The following EPM2A variants were observed in gnomAD, a reference collection of about 807,000 sequenced individuals.
The protein encoded by EPM2A is laforin.
EPM2A carries 21 observed loss-of-function variants against 26.5 expected under a neutral mutation model. The ratio of observed to expected loss-of-function variants is 0.79; its 90% CI spans 0.56 to 1.14. EPM2A has a LOEUF of 1.14. Among genes scored for constraint, EPM2A ranks in the 50% most tolerant of loss-of-function variants. EPM2A has a pLI of 0.00. For missense variants in EPM2A, 458 were observed against 440.8 expected, an observed-to-expected ratio of 1.04 and a Z score of -0.35; for synonymous variants, 217 against 177.6, an observed-to-expected ratio of 1.22 and a Z score of -1.76.
At chr6:145,519,700 C>G (rs891668388) in intron 2 of EPM2A, among the ~76,000 whole-genome samples, 5 of 152,100 alleles carry the variant, frequency 3.3e-5, no homozygotes, top group Non-Finnish European at 5.9e-5. Flanking sequence ...TTTCGAGAAA[C>G]CCTTCAGACT....
chr6:145,551,873 T>G (rs969009813), intron 2 of EPM2A, among the ~76,000 whole-genome samples: 1 of 151,200 alleles, frequency 6.6e-6, no homozygotes, highest in South Asian at 2.1e-4. Flanking sequence ...TTTTTTTTTT[T>G]GTAAAAGAAA....
At chr6:145,444,847 G>A (rs1360081172) in intron 4 of EPM2A, among the ~76,000 whole-genome samples, 1 of 152,132 alleles carries the variant, frequency 6.6e-6, no homozygotes, top group Non-Finnish European at 1.5e-5. Context: ...TGTTGCCACT[G>A]CTGCTTATTA....
intron 2 of EPM2A, among the ~76,000 whole-genome samples, chr6:145,511,327 C>T (rs1780052314): frequency 6.6e-6 from 1 of 152,056 alleles, no homozygotes; most frequent in Admixed American, 6.6e-5. Flanking sequence ...GGCAAATATC[C>T]CTAATGAACA....
Position 145,626,720 on chromosome 6 carries a change from G to A in EPM2A, c.*696C>T, listed in dbSNP as rs766207516. 46 of 985,808 alleles carry A rather than the reference G, an allele frequency of 4.7e-5. No individual in the cohort carries two copies. The highest frequency in any genetic ancestry group is 5.4e-5 in the Non-Finnish European group (45 of 830,334). The allele number at this position is 985,808 out of a possible 1,614,324, so 61.1% of individuals were successfully genotyped here. ...TCATTAAGCCTCAATTTAACTTCTT[G>A]ACATCTCAACTATAAAAAACAAGGG... On this transcript the variant is annotated 3_prime_UTR_variant, in exon 4 of 4. Coordinates refer to ENST00000367519, the MANE Select transcript of EPM2A (RefSeq NM_005670.4).
intron 3 of EPM2A, chr6:145,628,268 TTACAATGAA>T (rs1775978677): frequency 6.5e-6 from 1 of 154,378 alleles, no homozygotes; most frequent in Non-Finnish European, 1.4e-5. Flanking sequence ...TTCCCTCGAG[TTACAATGAA>T]TACTAAAACT....
intron 2 of EPM2A, among the ~76,000 whole-genome samples, chr6:145,607,269 G>T (rs779616596): frequency 1.3e-5 from 2 of 152,078 alleles, no homozygotes; most frequent in African/African-American, 4.8e-5. Context: ...CTAAAGGTTT[G>T]CCATTTGGAC....
At chr6:145,555,764 A>T (rs901975389) in intron 2 of EPM2A, among the ~76,000 whole-genome samples, 1 of 152,144 alleles carries the variant, frequency 6.6e-6, no homozygotes, top group African/African-American at 2.4e-5. Flanking sequence ...AAACAAGGCC[A>T]GTAGCCCAAT....
intron 4 of EPM2A, among the ~76,000 whole-genome samples, chr6:145,447,324 T>C (rs1244407397): frequency 1.3e-5 from 2 of 152,164 alleles, no homozygotes; most frequent in Admixed American, 1.3e-4. Context: ...TTCCCTACTT[T>C]GCAATTCTTA....
chr6:145,688,991 T>TCA (rs1358416360), intron 1 of EPM2A, among the ~76,000 whole-genome samples: 10 of 152,216 alleles, frequency 6.6e-5, no homozygotes, highest in Non-Finnish European at 1.2e-4. Flanking sequence ...CTCCCATTGG[T>TCA]CAGTATAATT....
chr6:145,474,256 G>A (rs1779513894), intron 4 of EPM2A, among the ~76,000 whole-genome samples: 2 of 152,184 alleles, frequency 1.3e-5, no homozygotes, highest in Non-Finnish European at 2.9e-5. Flanking sequence ...GAGGTCAGGA[G>A]TTTGAGACGA....
intron 2 of EPM2A, among the ~76,000 whole-genome samples, chr6:145,643,322 C>A (rs1167451879): frequency 2.0e-5 from 3 of 152,128 alleles, no homozygotes; most frequent in Non-Finnish European, 4.4e-5. Context: ...TGTTAATGGC[C>A]TGCATATGGC....
intron 2 of EPM2A, among the ~76,000 whole-genome samples, chr6:145,570,592 G>T (rs1056549826): frequency 6.6e-6 from 1 of 152,192 alleles, no homozygotes; most frequent in African/African-American, 2.4e-5. Flanking sequence ...TGGTCATGTG[G>T]TTGTAGCTGG....
intron 1 of EPM2A, among the ~76,000 whole-genome samples, chr6:145,726,819 G>T (rs1341297621): frequency 6.6e-6 from 1 of 151,990 alleles, no homozygotes; most frequent in Non-Finnish European, 1.5e-5. Context: ...TATAGATAAG[G>T]TATTGGAAGA....
chr6:145,394,858 T>C (rs916402828), intron 4 of EPM2A, among the ~76,000 whole-genome samples: 1 of 152,138 alleles, frequency 6.6e-6, no homozygotes, highest in African/African-American at 2.4e-5. Flanking sequence ...AAAACTCCAC[T>C]TACTTTTCTC....
At chr6:145,399,908 A>G (rs1344196884) in intron 4 of EPM2A, among the ~76,000 whole-genome samples, 3 of 152,156 alleles carry the variant, frequency 2.0e-5, no homozygotes, top group Non-Finnish European at 1.5e-5. Context: ...TGCTATTATT[A>G]TCCTTGCTAT....
At chr6:145,518,595 C>CAAAAAAAA (rs55802475) in intron 2 of EPM2A, among the ~76,000 whole-genome samples, 3 of 102,664 alleles carry the variant, frequency 2.9e-5, no homozygotes, top group Non-Finnish European at 4.0e-5. Context: ...TGAAATGCAC[C>CAAAAAAAA]AAAAAAAAAA....
intron 2 of EPM2A, among the ~76,000 whole-genome samples, chr6:145,596,987 C>T (rs1446885016): frequency 1.3e-5 from 2 of 149,916 alleles, no homozygotes; most frequent in Non-Finnish European, 3.0e-5. Context: ...CTCCGCTTCC[C>T]GGGTTCACGC....
At chr6:145,589,873 G>C (rs1238150654) in intron 2 of EPM2A, among the ~76,000 whole-genome samples, 1 of 114,500 alleles carries the variant, frequency 8.7e-6, no homozygotes, top group East Asian at 2.5e-4. Flanking sequence ...GGAGGCCAAT[G>C]AAAAGTTCAG....
At chr6:145,627,719 A>G (rs1377644318) in intron 3 of EPM2A, 26 bp from the exon 4 acceptor site, 22 of 1,612,378 alleles carry the variant, frequency 1.4e-5, no homozygotes, top group Non-Finnish European at 1.9e-5. Flanking sequence ...CACAGCACAC[A>G]TGTGAATAAC....
Sources: gnomAD v4.1 joint callset for allele counts (sites outside exome capture counted in the v4.1 genomes callset) on GRCh38, gnomAD v4.1.1 for gene constraint, MANE v1.5 for transcripts, NCBI Gene and HGNC (gene_info 2026-07-23, HGNC 2026-07-21) for gene names.